Variants in CASC3 observed in about 807,000 individuals in gnomAD.
CASC3 encodes CASC3 exon junction complex subunit, also known as protein CASC3.
A neutral mutation model predicts 80.5 loss-of-function variants in CASC3; 30 were observed. The ratio of observed to expected loss-of-function variants is 0.37; its 90% CI spans 0.28 to 0.51. CASC3 has a LOEUF of 0.51. Ranked by LOEUF, CASC3 falls within the 20% of genes least tolerant of loss-of-function variation. CASC3 has a pLI of 0.94. For missense variants in CASC3, 824 were observed against 922.2 expected (o/e 0.89, Z 1.38); for synonymous variants, 312 against 333.6 (o/e 0.94, Z 0.70).
At chr17:40,160,981 T>A (rs777177181) in intron 3 of CASC3, among the ~76,000 whole-genome samples, 38 of 152,124 alleles carry the variant, frequency 2.5e-4, no homozygotes, top group Non-Finnish European at 4.0e-4. Flanking sequence ...GTCTTTTTTT[T>A]ATTATTACTA....
rs767990289 is a variant in CASC3 at position 40,140,762 on chromosome 17, G to C, written c.214G>C (p.Ala72Pro). Residue 72 changes from alanine to proline, a missense_variant, in exon 1 of 14, where the codon GCT becomes CCT. By Grantham distance (27) the Ala-to-Pro change is conservative (BLOSUM62 -1). Coordinates refer to ENST00000264645, the MANE Select transcript of CASC3 (RefSeq NM_007359.5). ...RRVESGGAKSAEESECESEDG... is the reference protein window; with the variant it reads ...RRVESGGAKSPEESECESEDG... Reference sequence around the variant, plus strand: ...GGTGGAGAGCGGGGGCGCCAAGAGTGCTGAGGAGTCGGAGTGTGTGAGTGC... The same window carrying C: ...GGTGGAGAGCGGGGGCGCCAAGAGTCCTGAGGAGTCGGAGTGTGTGAGTGC... 4 of 1,509,084 alleles carry C rather than the reference G, an allele frequency of 2.7e-6. No homozygotes were observed. In the East Asian group the frequency reaches 7.4e-5, roughly 28 times the overall value. 93.5% of individuals were successfully genotyped at this position (1,509,084 alleles called of 1,614,324 possible).
intron 1 of CASC3, 139 bp from the exon 2 acceptor site, chr17:40,141,068 C>G: frequency 2.4e-6 from 2 of 818,300 alleles, no homozygotes; most frequent in Admixed American, 4.1e-5. Context: ...TTGGCTACTA[C>G]TTGATAAAGA....
chr17:40,158,073 G>A (rs1989197556), intron 3 of CASC3, among the ~76,000 whole-genome samples: 3 of 152,122 alleles, frequency 2.0e-5, no homozygotes, highest in Non-Finnish European at 4.4e-5. Context: ...AAAAATTTGC[G>A]TAGAAGTGGA....
At chr17:40,146,601 T>C (rs1205135692) in intron 3 of CASC3, among the ~76,000 whole-genome samples, 2 of 151,670 alleles carry the variant, frequency 1.3e-5, no homozygotes, top group Admixed American at 6.6e-5. Context: ...CATGCCTGGC[T>C]GATTTTTTTT....
chr17:40,168,663 T>G, intron 11 of CASC3: 1 of 456,790 alleles, frequency 2.2e-6, no homozygotes, highest in Non-Finnish European at 4.0e-6. Context: ...TGATCTCGGT[T>G]CACTGTAACC....
intron 3 of CASC3, among the ~76,000 whole-genome samples, chr17:40,151,606 A>T (rs1490163288): frequency 6.7e-6 from 1 of 149,820 alleles, no homozygotes; most frequent in South Asian, 2.1e-4. Context: ...AGGCAGGAGA[A>T]TTGTTTGAGC....
chr17:40,159,545 T>TG (rs1491104221), intron 3 of CASC3, among the ~76,000 whole-genome samples: 2 of 115,400 alleles, frequency 1.7e-5, no homozygotes, highest in Non-Finnish European at 3.4e-5. Context: ...TCATTGTGTG[T>TG]TTTTTTTTTT....
intron 3 of CASC3, among the ~76,000 whole-genome samples, 182 bp downstream of exon 3, chr17:40,141,789 C>T (rs536007954): frequency 6.6e-6 from 1 of 152,294 alleles, no homozygotes; most frequent in East Asian, 1.9e-4. Flanking sequence ...AAACTTGGGG[C>T]ACGCCGTCTC....
At chr17:40,149,628 A>C (rs1988948406) in intron 3 of CASC3, among the ~76,000 whole-genome samples, 1 of 152,216 alleles carries the variant, frequency 6.6e-6, no homozygotes, top group African/African-American at 2.4e-5. Flanking sequence ...GTATATGAGA[A>C]AAAGTAGGAA....
intron 3 of CASC3, among the ~76,000 whole-genome samples, chr17:40,158,931 CATT>C (rs1362559344): frequency 5.9e-5 from 9 of 152,112 alleles, no homozygotes; most frequent in African/African-American, 2.2e-4. Flanking sequence ...ATCATGGAGT[CATT>C]ATCAAGAGTT....
In CASC3 at chr17:40,169,638, T is replaced by A; in HGVS notation, c.*17T>A. 1 of 1,577,798 alleles carries A rather than the reference T, an allele frequency of 6.3e-7. No individual in the cohort carries two copies. The highest frequency in any genetic ancestry group is 8.6e-7 in the Non-Finnish European group (1 of 1,162,510). ...TCCAGTTAATACAAGTTTCTGAATA[T>A]TTTAAATCTTAACATCATATAAAAG... On this transcript the variant is annotated 3_prime_UTR_variant, in exon 13 of 14. Transcript: ENST00000264645.
chr17:40,169,982 C>T (rs1370947127), intron 13 of CASC3, among the ~76,000 whole-genome samples: 1 of 151,990 alleles, frequency 6.6e-6, no homozygotes, highest in African/African-American at 2.4e-5. Flanking sequence ...TCTTGAACTC[C>T]TGACCTCAGG....
At position 40,140,795 on chromosome 17, in the gene CASC3, C is replaced by A. The variant is rs1472659119; in HGVS notation, c.231+16C>A. The A allele has an allele frequency of 3.6e-5, 6 of 165,392 alleles. No homozygotes were observed. The highest frequency in any genetic ancestry group is 4.6e-5 in the Non-Finnish European group (6 of 129,340). 10.2% of individuals were successfully genotyped at this position (165,392 alleles called of 1,614,324 possible). On this transcript the variant is annotated intron_variant, in intron 1 of 13. Coordinates refer to ENST00000264645, the MANE Select transcript of CASC3 (RefSeq NM_007359.5). ...GTCGGAGTGTGTGAGTGCGCGCAGG[C>A]GGGGCGGGGTGGGGACCGGGCGGCG...
chr17:40,158,897 G>A (rs1358814669), intron 3 of CASC3, among the ~76,000 whole-genome samples: 1 of 152,058 alleles, frequency 6.6e-6, no homozygotes, highest in Admixed American at 6.6e-5. Flanking sequence ...CCATTTTCCA[G>A]CTTGAGGATA....
chr17:40,159,888 G>A (rs1989250382), intron 3 of CASC3, among the ~76,000 whole-genome samples: 1 of 151,644 alleles, frequency 6.6e-6, no homozygotes, highest in Non-Finnish European at 1.5e-5. Context: ...GCTGATTTTT[G>A]TATTTTTAGT....
chr17:40,150,210 C>G (rs1052323663), intron 3 of CASC3, among the ~76,000 whole-genome samples: 4 of 152,006 alleles, frequency 2.6e-5, no homozygotes, highest in Non-Finnish European at 5.9e-5. Context: ...GTGAGACCCT[C>G]TCTCTACAAA....
At chr17:40,165,502 T>C (rs1382223035) in intron 7 of CASC3, among the ~76,000 whole-genome samples, 1 of 152,146 alleles carries the variant, frequency 6.6e-6, no homozygotes, top group Non-Finnish European at 1.5e-5. Context: ...CCGGTCATCA[T>C]TGAGCCTCCT....
intron 3 of CASC3, among the ~76,000 whole-genome samples, chr17:40,149,125 C>T (rs1042903046): frequency 7.9e-5 from 12 of 152,028 alleles, no homozygotes; most frequent in African/African-American, 2.4e-4. Context: ...ATCCACCCAC[C>T]TCGGCTTCCC....
chr17:40,143,158 G>A (rs553442714), intron 3 of CASC3, among the ~76,000 whole-genome samples: 5 of 151,758 alleles, frequency 3.3e-5, no homozygotes, highest in Non-Finnish European at 7.4e-5. Flanking sequence ...GAATGAATAA[G>A]ATCTAAACCC....
Sources: allele counts gnomAD v4.1 joint callset (sites outside exome capture counted in the v4.1 genomes callset), GRCh38; gene constraint gnomAD v4.1.1; transcripts MANE v1.5; gene names NCBI Gene and HGNC (gene_info 2026-07-23, HGNC 2026-07-21).